Variants in CIB4 observed in about 807,000 individuals in gnomAD.
The protein encoded by CIB4 is calcium and integrin-binding family member 4.
In CIB4, 25 loss-of-function variants were observed where a neutral mutation model predicts 25.8. The ratio of observed to expected loss-of-function variants is 0.97; its 90% CI spans 0.71 to 1.35. CIB4 has a LOEUF of 1.35. Ranked by LOEUF, CIB4 falls within the 40% of genes most tolerant of loss-of-function variation. CIB4 has a pLI of 0.00. For synonymous variants in CIB4, 75 were observed against 81.4 expected, an observed-to-expected ratio of 0.92 and a Z score of 0.42; for missense variants, 235 against 228.2, an observed-to-expected ratio of 1.03 and a Z score of -0.19.
chr2:26,582,502 C>T (rs1307509879), intron 6 of CIB4, among the ~76,000 whole-genome samples: 3 of 152,192 alleles, frequency 2.0e-5, no homozygotes. Context: ...CCGCTGGAGG[C>T]AGTGGGGTCG....
At chr2:26,622,048 T>C (rs1270951837) in intron 3 of CIB4, among the ~76,000 whole-genome samples, 1 of 152,164 alleles carries the variant, frequency 6.6e-6, no homozygotes, top group Non-Finnish European at 1.5e-5. Context: ...CTCTGAACAG[T>C]GTATGCAGTC....
intron 3 of CIB4, among the ~76,000 whole-genome samples, chr2:26,621,094 AAT>A (rs1669195227): frequency 6.6e-6 from 1 of 152,096 alleles, no homozygotes; most frequent in African/African-American, 2.4e-5. Flanking sequence ...TTATCAATGA[AAT>A]AATTAAAGGA....
At chr2:26,626,560 G>T (rs1304262458) in intron 3 of CIB4, among the ~76,000 whole-genome samples, 2 of 152,106 alleles carry the variant, frequency 1.3e-5, no homozygotes, top group South Asian at 4.1e-4. Flanking sequence ...GTGTTCTCTA[G>T]TTTTTCTACA....
chr2:26,606,017 A>T (rs1668882912), intron 3 of CIB4, among the ~76,000 whole-genome samples: 1 of 152,194 alleles, frequency 6.6e-6, no homozygotes, highest in Non-Finnish European at 1.5e-5. Flanking sequence ...GCAGTTACTC[A>T]GAGAACAGGC....
intron 3 of CIB4, 49 bp from the exon 4 acceptor site, chr2:26,595,366 G>C: frequency 6.3e-7 from 1 of 1,586,174 alleles, no homozygotes; most frequent in Non-Finnish European, 8.6e-7. Context: ...GGTCGGGGCT[G>C]TGTCTCCCTG....
intron 4 of CIB4, among the ~76,000 whole-genome samples, chr2:26,590,400 G>A (rs55752248): frequency 0.012 from 1,870 of 152,244 alleles, 26 homozygotes; most frequent in Non-Finnish European, 0.021. Context: ...TCCAGTGGGT[G>A]GAGTAGGGCC....
chr2:26,594,886 G>T (rs1273271234), intron 4 of CIB4, among the ~76,000 whole-genome samples: 1 of 152,146 alleles, frequency 6.6e-6, no homozygotes. Context: ...ACATGCATAT[G>T]TGATTCTCTC....
At chr2:26,626,421 A>G (rs1244088771) in intron 3 of CIB4, among the ~76,000 whole-genome samples, 3 of 150,410 alleles carry the variant, frequency 2.0e-5, no homozygotes, top group East Asian at 3.9e-4. Context: ...AAAAAAATCA[A>G]TGGGATCCAA....
In CIB4 at chr2:26,595,178, T is replaced by C; in HGVS notation, c.326A>G (p.Tyr109Cys). Residue 109 changes from tyrosine to cysteine, a missense_variant and splice_region_variant, in exon 4 of 7, where the codon TAT (tyrosine) becomes TGT (cysteine). Physicochemically the swap from Tyr to Cys is radical, Grantham distance 194. Transcript: ENST00000288861. ...SLKIEYAFRI[Y>C]DFNENGFIDE... Reference sequence around the variant, plus strand: ...CCTCAGTCCCCCACAGCACCTACCATAGATGCGAAAGGCATACTCAATCTT... The same window carrying C: ...CCTCAGTCCCCCACAGCACCTACCACAGATGCGAAAGGCATACTCAATCTT... 6 of 1,608,008 alleles carry C rather than the reference T, an allele frequency of 3.7e-6. No individual in the cohort carries two copies. Among genetic ancestry groups the C allele is most frequent in the Non-Finnish European group, 5.1e-6 (6 of 1,174,960 alleles).
At chr2:26,638,344 G>C (rs1436553285) in intron 2 of CIB4, among the ~76,000 whole-genome samples, 1 of 152,164 alleles carries the variant, frequency 6.6e-6, no homozygotes, top group Non-Finnish European at 1.5e-5. Flanking sequence ...TCCTGGGTGG[G>C]AGGTTCAGAA....
intron 3 of CIB4, among the ~76,000 whole-genome samples, chr2:26,596,119 T>C (rs1668678672): frequency 6.6e-6 from 1 of 152,232 alleles, no homozygotes; most frequent in Admixed American, 6.5e-5. Flanking sequence ...AATAAAGGTA[T>C]AGATTTTCTA....
chr2:26,595,148 T>TCAC (rs764889473), intron 4 of CIB4, 28 bp downstream of exon 4: 2 of 1,592,346 alleles, frequency 1.3e-6, no homozygotes, highest in Admixed American at 3.4e-5. Context: ...TTTCCACCCC[T>TCAC]CACCCCTCAG....
rs149454828 is a variant in CIB4, at chr2:26,615,976, A to G, written c.186+13434T>C. Among the ~76,000 whole-genome samples, 889 of 152,326 alleles carry G rather than the reference A, an allele frequency of 5.8e-3. 13 individuals are homozygous for G. The highest frequency in any genetic ancestry group is 0.02 in the African/African-American group (836 of 41,574). On this transcript the variant is annotated intron_variant, in intron 3 of 6. Coordinates refer to ENST00000288861, the MANE Select transcript of CIB4 (RefSeq NM_001029881.3). ...TACCCTCCCAGCTCCGACTGGCATC[A>G]GGCGTCGGGACCCTCCCACCAGCGC...
rs866642463 is a variant in CIB4 at position 26,629,472 on chromosome 2, C to G, written c.124G>C (p.Gly42Arg). The change falls in exon 3 of 7, where the codon GGG (glycine) becomes CGG (arginine). Residue 42 changes from glycine (G) to arginine (R), a missense_variant. Physicochemically the swap from Gly to Arg is moderately radical, Grantham distance 125 (BLOSUM62 -2). Transcript: ENST00000288861. The part of the protein sequence containing the change: ...HDTFLKLCPP[G>R]KYYKEATLTM... Reference sequence around the variant, plus strand: ...AGCGTTGCCTCCTTGTAGTACTTCCCAGGAGGGCAGAGCTTCAGGAAGGTG... The same window carrying G: ...AGCGTTGCCTCCTTGTAGTACTTCCGAGGAGGGCAGAGCTTCAGGAAGGTG... 7 of 1,579,652 alleles carry G rather than the reference C, an allele frequency of 4.4e-6. No homozygotes were observed. In the Admixed American group the frequency reaches 1.3e-4, roughly 29 times the overall value.
chr2:26,620,906 T>C (rs548828212), intron 3 of CIB4, among the ~76,000 whole-genome samples: 11 of 151,908 alleles, frequency 7.2e-5, no homozygotes, highest in Admixed American at 3.3e-4. Context: ...ATGGCAGAAG[T>C]GAAAAACCCT....
At chr2:26,634,005 C>A (rs952772505) in intron 2 of CIB4, among the ~76,000 whole-genome samples, 2 of 152,192 alleles carry the variant, frequency 1.3e-5, no homozygotes, top group Non-Finnish European at 2.9e-5. Context: ...CCATTTACCC[C>A]CTTGCCTCTG....
chr2:26,602,732 G>A (rs984470639), intron 3 of CIB4, among the ~76,000 whole-genome samples: 1 of 152,174 alleles, frequency 6.6e-6, no homozygotes, highest in Non-Finnish European at 1.5e-5. Context: ...AATAGGTCAT[G>A]TTGATGTCAG....
At chr2:26,626,400 CAAA>C (rs34258205) in intron 3 of CIB4, among the ~76,000 whole-genome samples, 65,533 of 127,438 alleles carry the variant, frequency 0.51, 15,419 homozygotes, top group Middle Eastern at 0.59. Context: ...AAGCAACATA[CAAA>C]AAAAAAAAAA....
rs1558554610 is a variant in CIB4, at chr2:26,589,003, T to TTCC, written c.329-5106_329-5105insGGA. On this transcript the variant is annotated intron_variant, in intron 4 of 6. Coordinates refer to ENST00000288861, the MANE Select transcript of CIB4 (RefSeq NM_001029881.3). Reference sequence around the variant, plus strand: ...TTTCTTCTTCTTCTTCTTCTTCTTCTTCTTCTTCTTCTTCTTCTTCTTCTT... The same window carrying TTCC: ...TTTCTTCTTCTTCTTCTTCTTCTTCTTCCTCTTCTTCTTCTTCTTCTTCTTCTT... 9.2e-4 allele frequency among the ~76,000 whole-genome samples: 24 copies of TTCC among 26,030 alleles called. 1 individual carries two copies. Among genetic ancestry groups the TTCC allele is most frequent in the African/African-American group, 2.9e-3 (24 of 8,338 alleles). The allele number at this position is 26,030 out of a possible 152,430, so 17.1% of individuals were successfully genotyped here.
Sources: gnomAD v4.1 joint callset for allele counts (sites outside exome capture counted in the v4.1 genomes callset) on GRCh38, gnomAD v4.1.1 for gene constraint, MANE v1.5 for transcripts, NCBI Gene and HGNC (gene_info 2026-07-23, HGNC 2026-07-21) for gene names.